Variants in TM9SF4 observed in about 807,000 individuals in gnomAD.
TM9SF4 encodes transmembrane 9 superfamily member 4, also known as dinucleotide oxidase disulfide thiol exchanger 3 superfamily member 4.
A neutral mutation model predicts 90.4 loss-of-function variants in TM9SF4; 26 were observed. The observed-to-expected ratio is 0.29, with a 90% CI of 0.21 to 0.40. The LOEUF (loss-of-function observed/expected upper bound fraction) is 0.40. Ranked by LOEUF, TM9SF4 falls within the 10% of genes least tolerant of loss-of-function variation. TM9SF4 has a pLI of 1.00. For missense variants in TM9SF4, 549 were observed against 834.8 expected, an observed-to-expected ratio of 0.66 and a Z score of 4.22; for synonymous variants, 293 against 315.4, an observed-to-expected ratio of 0.93 and a Z score of 0.75.
intron 1 of TM9SF4, among the ~76,000 whole-genome samples, chr20:32,110,974 G>A (rs1163871614): frequency 6.6e-6 from 1 of 152,232 alleles, no homozygotes; most frequent in Non-Finnish European, 1.5e-5. Flanking sequence ...AAGACTCAGA[G>A]AAAAGGAAAT....
At position 32,136,143 on chromosome 20, in the gene TM9SF4, A is replaced by G. The variant is rs2046591214; in HGVS notation, c.199A>G (p.Ser67Gly). 1 of 1,614,178 alleles carries G rather than the reference A, an allele frequency of 6.2e-7. No homozygotes were observed. The highest frequency in any genetic ancestry group is 1.3e-5 in the African/African-American group (1 of 75,050). Residue 67 changes from serine (S) to glycine (G), a missense_variant, in exon 3 of 18, where the codon AGC (serine) becomes GGC (glycine). Transcript: ENST00000398022. ...CTATTCACTGCCCTTCTGCCAGCCC[A>G]GCAAGATAACCTACAAGGCAGAGAA... ...EYYSLPFCQP[S>G]KITYKAENLG...
intron 1 of TM9SF4, among the ~76,000 whole-genome samples, chr20:32,124,566 T>C (rs1476193302): frequency 6.6e-6 from 1 of 151,088 alleles, no homozygotes; most frequent in Non-Finnish European, 1.5e-5. Flanking sequence ...CTGGATTATA[T>C]GACCTCTGAA....
chr20:32,154,734 T>C (rs1275094696), intron 12 of TM9SF4, among the ~76,000 whole-genome samples: 1 of 152,108 alleles, frequency 6.6e-6, no homozygotes, highest in African/African-American at 2.4e-5. Flanking sequence ...ATTGCAGGCA[T>C]GAGCCACCAC....
chr20:32,124,404 C>T (rs1319911519), intron 1 of TM9SF4, among the ~76,000 whole-genome samples: 3 of 152,104 alleles, frequency 2.0e-5, no homozygotes, highest in Admixed American at 6.5e-5. Flanking sequence ...CACCTCTAAT[C>T]GTGACCTCAA....
chr20:32,158,642 C>T (rs1399487902), intron 15 of TM9SF4, 128 bp downstream of exon 15: 3 of 916,360 alleles, frequency 3.3e-6, no homozygotes, highest in South Asian at 1.5e-5. Flanking sequence ...GAGCCCCATT[C>T]TTCACCCTGA....
chr20:32,144,990 TG>T, intron 6 of TM9SF4, 100 bp from the exon 7 acceptor site: 2 of 1,037,196 alleles, frequency 1.9e-6, no homozygotes, highest in Non-Finnish European at 3.0e-6. Context: ...CCCTAGAGGC[TG>T]GGTCTCCGCG....
At chr20:32,110,177 G>A (rs1423224406) in intron 1 of TM9SF4, 2 of 588,298 alleles carry the variant, frequency 3.4e-6, no homozygotes, top group Admixed American at 4.9e-5. Flanking sequence ...CCAGTCCGCA[G>A]ATGTGACCTC....
intron 1 of TM9SF4, among the ~76,000 whole-genome samples, chr20:32,113,281 G>T (rs538951769): frequency 1.3e-5 from 2 of 152,128 alleles, no homozygotes; most frequent in East Asian, 3.8e-4. Flanking sequence ...GGGTTGAGCC[G>T]CCAGCTCCCA....
At chr20:32,140,649 T>C (rs1174293187) in intron 3 of TM9SF4, among the ~76,000 whole-genome samples, 1 of 152,200 alleles carries the variant, frequency 6.6e-6, no homozygotes, top group Non-Finnish European at 1.5e-5. Flanking sequence ...ATACTGTTAT[T>C]ATCCCATTTT....
rs2046991234 is a variant in TM9SF4, at chr20:32,160,017, A to G, written c.1595A>G (p.Tyr532Cys). Residue 532 changes from tyrosine (Y) to cysteine (C), a missense_variant, in exon 16 of 18, where the codon TAC becomes TGC. Tyr to Cys is a radical substitution (Grantham distance 194). Coordinates refer to ENST00000398022, the MANE Select transcript of TM9SF4 (RefSeq NM_014742.4). The stretch of plus-strand genomic sequence containing the variant: ...GCTATCTGGGAGAATCAGTTCTATT[A>G]CCTCTTTGGCTTCCTGTTCCTTGTT... ...FSAIWENQFY[Y>C]LFGFLFLVFI... 1.2e-6 allele frequency: 2 copies of G among 1,613,920 alleles called. No individual in the cohort carries two copies. Among genetic ancestry groups the G allele is most frequent in the African/African-American group, 2.7e-5 (2 of 74,838 alleles).
chr20:32,143,172 C>A (rs17093836), intron 6 of TM9SF4, 67 bp downstream of exon 6: 2 of 1,576,514 alleles, frequency 1.3e-6, no homozygotes, highest in Non-Finnish European at 1.7e-6. Flanking sequence ...GCAGGGTCTT[C>A]GCACTCTTCT....
At chr20:32,143,207 C>G in intron 6 of TM9SF4, 102 bp downstream of exon 6, 1 of 1,435,708 alleles carries the variant, frequency 7.0e-7, no homozygotes, top group Non-Finnish European at 9.4e-7. Flanking sequence ...CCGATGGGCT[C>G]GGGTGTGGCG....
intron 1 of TM9SF4, among the ~76,000 whole-genome samples, chr20:32,116,001 T>C (rs2046216826): frequency 6.6e-6 from 1 of 151,934 alleles, no homozygotes; most frequent in African/African-American, 2.4e-5. Context: ...TTTGTATTTT[T>C]AGTAAGGATA....
chr20:32,136,968 C>A (rs1298186959), intron 3 of TM9SF4: 2 of 470,870 alleles, frequency 4.2e-6, no homozygotes, highest in East Asian at 6.9e-5. Flanking sequence ...GTTTCTGGAA[C>A]CTCTAGCTGA....
intron 3 of TM9SF4, among the ~76,000 whole-genome samples, chr20:32,139,925 C>G (rs1226557265): frequency 6.6e-6 from 1 of 152,248 alleles, no homozygotes; most frequent in Non-Finnish European, 1.5e-5. Context: ...CTCAGGGAAG[C>G]TGTCCTAGAC....
chr20:32,149,100 A>G (rs891021065), intron 9 of TM9SF4, among the ~76,000 whole-genome samples: 2 of 152,262 alleles, frequency 1.3e-5, no homozygotes, highest in Admixed American at 1.3e-4. Context: ...ACATATACAC[A>G]TATATACATA....
intron 12 of TM9SF4, among the ~76,000 whole-genome samples, chr20:32,151,412 C>T (rs965966194): frequency 1.3e-5 from 2 of 150,108 alleles, no homozygotes; most frequent in Non-Finnish European, 1.5e-5. Context: ...GACCTCACCT[C>T]CCAGGGATCC....
chr20:32,124,463 T>A (rs1397385760), intron 1 of TM9SF4, among the ~76,000 whole-genome samples: 4 of 152,228 alleles, frequency 2.6e-5, no homozygotes, highest in Non-Finnish European at 4.4e-5. Flanking sequence ...TCTGTTCACT[T>A]GGCTGTGCCA....
chr20:32,166,555 G>T lies in TM9SF4; in HGVS notation c.*1111G>T, dbSNP rs966823469. ...CCCTCCACCCCACACCTGAGTTCTT[G>T]CCTCCTCCTTTTGGGGACACCCAAA... On this transcript the variant is annotated 3_prime_UTR_variant, in exon 18 of 18. Transcript: ENST00000398022. 2.0e-5 allele frequency: 3 copies of T among 152,304 alleles called. No homozygotes were observed. Among genetic ancestry groups the T allele is most frequent in the African/African-American group, 7.2e-5 (3 of 41,446 alleles). 9.4% of individuals were successfully genotyped at this position (152,304 alleles called of 1,614,324 possible).
Sources: allele counts gnomAD v4.1 joint callset (sites outside exome capture counted in the v4.1 genomes callset), GRCh38; gene constraint gnomAD v4.1.1; transcripts MANE v1.5; gene names NCBI Gene and HGNC (gene_info 2026-07-23, HGNC 2026-07-21).